Variants in PDE9A observed in about 807,000 individuals in gnomAD.
PDE9A encodes phosphodiesterase 9A, also known as high affinity cGMP-specific 3',5'-cyclic phosphodiesterase 9A.
Under a neutral mutation model 87.4 loss-of-function variants are expected in PDE9A, and 60 were observed. That is an observed-to-expected ratio of 0.69 (90% CI 0.56 to 0.85). The LOEUF (loss-of-function observed/expected upper bound fraction) is 0.85, where lower values mean the gene tolerates loss of function less well. Ranked by LOEUF, PDE9A falls within the 40% of genes least tolerant of loss-of-function variation. The pLI, the probability that PDE9A is intolerant of heterozygous loss-of-function variation, is 0.00. For synonymous variants in PDE9A, 272 were observed against 279.4 expected, an observed-to-expected ratio of 0.97 and a Z score of 0.27; for missense variants, 665 against 779.0, an observed-to-expected ratio of 0.85 and a Z score of 1.74.
At position 42,692,893 on chromosome 21, in the gene PDE9A, G is replaced by T. The variant is rs34277211; in HGVS notation, c.218+4899G>T. On this transcript the variant is annotated intron_variant, in intron 3 of 19. Coordinates refer to ENST00000291539, the MANE Select transcript of PDE9A (RefSeq NM_002606.3). The surrounding 1 kb of genome is among the most constrained non-coding windows in gnomAD (Gnocchi z 4.3). ...CGCACTCTTCCTGCACCGGAGCCGCGGTGCGAGGCCTCGGGAATGCTCACC... is the reference window on the plus strand; with the variant it reads ...CGCACTCTTCCTGCACCGGAGCCGCTGTGCGAGGCCTCGGGAATGCTCACC... Among the ~76,000 whole-genome samples, 2 of 152,172 alleles carry T rather than the reference G, an allele frequency of 1.3e-5. No individual in the cohort carries two copies. The highest frequency in any genetic ancestry group is 4.8e-5 in the African/African-American group (2 of 41,442).
intron 4 of PDE9A, among the ~76,000 whole-genome samples, chr21:42,716,148 G>C (rs752904368): frequency 5.3e-5 from 8 of 151,798 alleles, no homozygotes; most frequent in Non-Finnish European, 1.2e-4. Context: ...AGAGCATCTT[G>C]GTTGCTTCCA....
chr21:42,662,960 C>G (rs924444386), intron 1 of PDE9A, among the ~76,000 whole-genome samples: 3 of 149,066 alleles, frequency 2.0e-5, no homozygotes, highest in African/African-American at 7.5e-5. Flanking sequence ...ACATCACATG[C>G]ACACGCCACG....
At chr21:42,709,663 TTTTG>T (rs892286645) in intron 4 of PDE9A, among the ~76,000 whole-genome samples, 16 of 152,148 alleles carry the variant, frequency 1.1e-4, no homozygotes, top group South Asian at 2.1e-4. Context: ...TCAACATCAT[TTTTG>T]TTTGTTTGTT....
intron 4 of PDE9A, among the ~76,000 whole-genome samples, chr21:42,703,839 C>A (rs2048585098): frequency 1.3e-5 from 2 of 152,230 alleles, no homozygotes; most frequent in South Asian, 4.1e-4. Context: ...CTGAGAAACA[C>A]AAAGGCTCAC....
At chr21:42,698,041 A>C (rs909107884) in intron 3 of PDE9A, among the ~76,000 whole-genome samples, 1 of 152,224 alleles carries the variant, frequency 6.6e-6, no homozygotes, top group African/African-American at 2.4e-5. Context: ...TGAATGAATG[A>C]GCAAGTCAAA....
At chr21:42,756,241 C>G (rs1489176971) in intron 10 of PDE9A, among the ~76,000 whole-genome samples, 1 of 152,172 alleles carries the variant, frequency 6.6e-6, no homozygotes, top group East Asian at 1.9e-4. Context: ...CAGAGATGCC[C>G]AAGACAGGAG....
intron 1 of PDE9A, among the ~76,000 whole-genome samples, chr21:42,684,366 G>A (rs546538096): frequency 3.6e-4 from 55 of 152,280 alleles, no homozygotes; most frequent in African/African-American, 1.3e-3. Context: ...ACCGCTTTTT[G>A]TCCTGTCTTG....
chr21:42,678,269 A>G (rs2058963940), intron 1 of PDE9A, among the ~76,000 whole-genome samples: 1 of 152,146 alleles, frequency 6.6e-6, no homozygotes, highest in Admixed American at 6.5e-5. Context: ...CCCAGCTCCT[A>G]ATTGCTCTGA....
intron 1 of PDE9A, among the ~76,000 whole-genome samples, chr21:42,679,800 T>C (rs2059063127): frequency 6.6e-6 from 1 of 152,210 alleles, no homozygotes; most frequent in South Asian, 2.1e-4. Context: ...TCCTGTCCCT[T>C]AACCCAGAGG....
intron 1 of PDE9A, among the ~76,000 whole-genome samples, chr21:42,680,231 G>A (rs557473767): frequency 5.9e-5 from 9 of 152,318 alleles, no homozygotes; most frequent in South Asian, 2.1e-4. Flanking sequence ...ACTGACAGTC[G>A]CCACCAGCTC....
At chr21:42,769,288 C>CACAGAT (rs2056694466) in intron 17 of PDE9A, 133 bp downstream of exon 17, 1 of 766,782 alleles carries the variant, frequency 1.3e-6, no homozygotes, top group Non-Finnish European at 2.1e-6. Context: ...TACACAGATA[C>CACAGAT]ACACAGACGC....
chr21:42,756,359 C>T (rs2055038186), intron 10 of PDE9A, among the ~76,000 whole-genome samples: 1 of 152,184 alleles, frequency 6.6e-6, no homozygotes, highest in Non-Finnish European at 1.5e-5. Context: ...CCCCACAAAA[C>T]TGCATCTGGC....
intron 14 of PDE9A, among the ~76,000 whole-genome samples, chr21:42,763,503 G>A (rs2056043414): frequency 6.6e-6 from 1 of 152,202 alleles, no homozygotes; most frequent in South Asian, 2.1e-4. Context: ...AGCAGGAGGA[G>A]ACAAGGAAGG....
At chr21:42,774,926 C>T (rs377117258) in intron 19 of PDE9A, among the ~76,000 whole-genome samples, 2 of 148,602 alleles carry the variant, frequency 1.3e-5, no homozygotes, top group Admixed American at 6.7e-5. Context: ...AACGTTTCTG[C>T]GACTGCTGGC....
At position 42,660,063 on chromosome 21, in the gene PDE9A, C is replaced by T. The variant is rs1185168384; in HGVS notation, c.69+6180C>T. On this transcript the variant is annotated intron_variant, in intron 1 of 19. Transcript: ENST00000291539. The surrounding 1 kb of genome is among the most constrained non-coding windows in gnomAD (Gnocchi z 4.7). ...CCAAGACTTCCTGAGAGGCTGGGCC[C>T]GGTAGCCCAGTCCTGGGCTTGCTTC... Among the ~76,000 whole-genome samples, 4 of 152,288 alleles carry T rather than the reference C, an allele frequency of 2.6e-5. No homozygotes were observed. Among genetic ancestry groups the T allele is most frequent in the East Asian group, 3.9e-4 (2 of 5,184 alleles).
chr21:42,742,308 C>T (rs1450876870), intron 7 of PDE9A, among the ~76,000 whole-genome samples: 2 of 152,006 alleles, frequency 1.3e-5, no homozygotes, highest in Non-Finnish European at 2.9e-5. Context: ...GTGCGGGAGA[C>T]CAGAGTTTTA....
Position 42,759,529 on chromosome 21 carries a change from CGTGTGT to C in PDE9A, c.897+452_897+457del, listed in dbSNP as rs147103168. 3.6e-4 allele frequency among the ~76,000 whole-genome samples: 48 copies of C among 134,142 alleles called. No individual in the cohort carries two copies. In the South Asian group the frequency reaches 0.011, roughly 32 times the overall value. The allele number at this position is 134,142 out of a possible 152,430, so 88.0% of individuals were successfully genotyped here. On this transcript the variant is annotated intron_variant, in intron 11 of 19. Transcript: ENST00000291539. The surrounding 1 kb of genome is among the most constrained non-coding windows in gnomAD (Gnocchi z 7.2). ...GTGTGTGGATGTAAATGTGTGGGAG[CGTGTGT>C]GTGTGTGAGTGTGGGGTGTGGGTGT...
In PDE9A at chr21:42,675,477, C is replaced by T. The variant is rs573770020; in HGVS notation, c.70-10715C>T. On this transcript the variant is annotated intron_variant, in intron 1 of 19. Coordinates refer to ENST00000291539, the MANE Select transcript of PDE9A (RefSeq NM_002606.3). This position sits in a 1 kb window ranked among gnomAD's most constrained non-coding sequence, Gnocchi z 4.3. ...AATGGTGCCTGGCACTTAATAAATGCTCTTATTAGTATGTTTATCTTCATT... is the reference window on the plus strand; with the variant it reads ...AATGGTGCCTGGCACTTAATAAATGTTCTTATTAGTATGTTTATCTTCATT... 5.3e-5 allele frequency among the ~76,000 whole-genome samples: 8 copies of T among 152,334 alleles called. No homozygotes were observed. The South Asian group carries it at 1.4e-3, about 28-fold the overall frequency.
rs1288160101 is a variant in PDE9A at position 42,760,160 on chromosome 21, G to A, written c.898-168G>A. 6.6e-6 allele frequency among the ~76,000 whole-genome samples: 1 copy of A among 152,112 alleles called. No homozygotes were observed. The highest frequency in any genetic ancestry group is 1.5e-5 in the Non-Finnish European group (1 of 67,994). ...CCCGCTGGACGTTCTCAGGGTCCCT[G>A]TGTCACCTCATTGGTACCTGTGGTA... On this transcript the variant is annotated intron_variant, in intron 11 of 19. Coordinates refer to ENST00000291539, the MANE Select transcript of PDE9A (RefSeq NM_002606.3). The surrounding 1 kb of genome is among the most constrained non-coding windows in gnomAD (Gnocchi z 5.2).
Sources: gnomAD v4.1 joint callset for allele counts (sites outside exome capture counted in the v4.1 genomes callset) on GRCh38, gnomAD v4.1.1 for gene constraint, Gnocchi (gnomAD v3.1) non-coding constraint, MANE v1.5 for transcripts, NCBI Gene and HGNC (gene_info 2026-07-23, HGNC 2026-07-21) for gene names.